The following XPO5 variants were observed in gnomAD, a reference collection of about 807,000 sequenced individuals.
XPO5 encodes the protein exportin-5.
XPO5 carries 46 observed loss-of-function variants against 160.6 expected under a neutral mutation model. The ratio of observed to expected loss-of-function variants is 0.29; its 90% CI spans 0.23 to 0.37. The LOEUF is 0.37. XPO5 is among the 10% of genes least tolerant of loss of function. The pLI, the probability that XPO5 is intolerant of heterozygous loss-of-function variation, is 1.00. For missense variants in XPO5, 1,090 were observed against 1,463.9 expected (o/e 0.74, Z 4.17); for synonymous variants, 537 against 519.3 (o/e 1.03, Z -0.46).
chr6:43,572,475 GA>G, intron 3 of XPO5, 30 bp downstream of exon 3: 1 of 1,611,162 alleles, frequency 6.2e-7, no homozygotes, highest in Non-Finnish European at 8.5e-7. Context: ...AACTACCTTG[GA>G]AACATGTCTC....
chr6:43,537,138 A>G (rs768922038), intron 20 of XPO5, among the ~76,000 whole-genome samples: 50 of 135,190 alleles, frequency 3.7e-4, no homozygotes, highest in Middle Eastern at 3.7e-3. Context: ...GAATAATTAA[A>G]ACTTTTTTTT....
chr6:43,563,467 A>G lies in XPO5; in HGVS notation c.912-1121T>C, dbSNP rs1310953546. On this transcript the variant is annotated intron_variant, in intron 8 of 31. Coordinates refer to ENST00000265351, the MANE Select transcript of XPO5 (RefSeq NM_020750.3). ...AGTATTTTCTAGAGCAACTGGAAGA[A>G]AGTACATGGAAGCCCTTACAGTCAT... Among the ~76,000 whole-genome samples the G allele has an allele frequency of 3.9e-5, 6 of 152,220 alleles. 1 individual carries two copies. The highest frequency in any genetic ancestry group is 1.4e-4 in the African/African-American group (6 of 41,458).
intron 20 of XPO5, among the ~76,000 whole-genome samples, chr6:43,538,002 T>C (rs1405703505): frequency 6.7e-6 from 1 of 149,392 alleles, no homozygotes; most frequent in Non-Finnish European, 1.5e-5. Context: ...GGAGAATTGC[T>C]TGATCCCGGG....
intron 20 of XPO5, among the ~76,000 whole-genome samples, chr6:43,546,086 G>A (rs1794951658): frequency 6.6e-6 from 1 of 152,116 alleles, no homozygotes; most frequent in Non-Finnish European, 1.5e-5. Context: ...AAACTCAGAT[G>A]AAAAATTTAT....
At chr6:43,524,069 G>C (rs972330956) in intron 31 of XPO5, 64 bp from the exon 32 acceptor site, 2 of 1,573,436 alleles carry the variant, frequency 1.3e-6, no homozygotes, top group Non-Finnish European at 1.7e-6. Context: ...AGATTCTCTT[G>C]GCCCGGCGCA....
intron 20 of XPO5, among the ~76,000 whole-genome samples, chr6:43,546,039 G>C (rs527586349): frequency 2.6e-5 from 4 of 152,162 alleles, no homozygotes; most frequent in Middle Eastern, 3.4e-3. Context: ...TAATGCTACT[G>C]GTCTTAGGAC....
At position 43,575,841 on chromosome 6, in the gene XPO5, C is replaced by G. The variant is rs1469352319; in HGVS notation, c.24G>C (p.Ala8=). MAMDQVN[A]LCEQLVKAVT... Reference sequence around the variant, plus strand: ...CCGCTTTCACCAGCTGCTCGCACAGCGCGTTTACTTGATCCATCGCCATGC... The same window carrying G: ...CCGCTTTCACCAGCTGCTCGCACAGGGCGTTTACTTGATCCATCGCCATGC... Residue 8 remains alanine, a synonymous_variant, in exon 1 of 32, where the codon GCG becomes GCC. Transcript: ENST00000265351. 6.2e-7 allele frequency: 1 copy of G among 1,613,672 alleles called. No homozygotes were observed. Among genetic ancestry groups the G allele is most frequent in the Middle Eastern group, 1.6e-4 (1 of 6,084 alleles).
intron 20 of XPO5, among the ~76,000 whole-genome samples, chr6:43,537,075 T>G (rs1286992803): frequency 6.6e-6 from 1 of 152,038 alleles, no homozygotes; most frequent in Non-Finnish European, 1.5e-5. Context: ...CAAGTGGCCC[T>G]TCCACCTCAG....
chr6:43,531,354 A>AT (rs1793964060), intron 22 of XPO5, 125 bp downstream of exon 22: 2 of 844,504 alleles, frequency 2.4e-6, no homozygotes, highest in Non-Finnish European at 3.8e-6. Context: ...CACTAGAATG[A>AT]TAAGTTTCCT....
chr6:43,575,624 G>A, intron 1 of XPO5, 136 bp downstream of exon 1: 1 of 710,102 alleles, frequency 1.4e-6, no homozygotes, highest in Non-Finnish European at 2.3e-6. Context: ...GCCGCGAGGG[G>A]AAGGTCCCGG....
intron 21 of XPO5, 27 bp downstream of exon 21, chr6:43,533,880 T>C: frequency 2.6e-6 from 4 of 1,536,330 alleles, no homozygotes; most frequent in Middle Eastern, 1.7e-4. Context: ...AGATAAACCT[T>C]AGGAGAAAAA....
chr6:43,562,694 T>C (rs887158664), intron 8 of XPO5, among the ~76,000 whole-genome samples: 2 of 152,172 alleles, frequency 1.3e-5, no homozygotes, highest in Non-Finnish European at 2.9e-5. Flanking sequence ...GATGGTATTA[T>C]GGTGTCCAAT....
chr6:43,533,213 T>TACACACACACACACACACAC (rs70990197), intron 21 of XPO5: 4 of 135,126 alleles, frequency 3.0e-5, no homozygotes, highest in Admixed American at 7.7e-5. Flanking sequence ...GATACCTATC[T>TACACACACACACACACACAC]ACACACACAC....
intron 15 of XPO5, chr6:43,550,848 T>C (rs781310226): frequency 6.6e-6 from 1 of 152,444 alleles, no homozygotes; most frequent in Non-Finnish European, 1.5e-5. Context: ...CTGGAAAGTG[T>C]TCCTTCCTCT....
intron 20 of XPO5, chr6:43,539,671 AG>A: frequency 2.9e-6 from 3 of 1,025,516 alleles, no homozygotes; most frequent in Non-Finnish European, 4.3e-6. Flanking sequence ...CAGGGCCTCC[AG>A]GCCCCCCCAC....
chr6:43,558,748 C>T (rs1762248406), intron 11 of XPO5, among the ~76,000 whole-genome samples, 157 bp from the exon 12 acceptor site: 2 of 152,170 alleles, frequency 1.3e-5, no homozygotes, highest in Non-Finnish European at 2.9e-5. Flanking sequence ...ATCACAGGTC[C>T]ACAGTTTGCT....
intron 20 of XPO5, among the ~76,000 whole-genome samples, chr6:43,535,241 C>G (rs1284282817): frequency 6.6e-6 from 1 of 151,578 alleles, no homozygotes; most frequent in East Asian, 1.9e-4. Context: ...GCCTGGGCAA[C>G]AGAGCGAGAC....
chr6:43,524,580 T>G lies in XPO5; in HGVS notation c.3368A>C (p.Lys1123Thr), dbSNP rs781149485. 6.2e-7 allele frequency: 1 copy of G among 1,613,984 alleles called. No individual in the cohort carries two copies. Among genetic ancestry groups the G allele is most frequent in the South Asian group, 1.1e-5 (1 of 91,080 alleles). Residue 1123 changes from lysine (K) to threonine (T), a missense_variant, in exon 31 of 32, where the codon AAG becomes ACG. Coordinates refer to ENST00000265351, the MANE Select transcript of XPO5 (RefSeq NM_020750.3). ...AVMEQIPEIQ[K>T]DSLDQFDCKL... ...GCAGTCAAACTGGTCCAGTGAGTCC[T>G]TCTGTATTTCAGGGATTTGCTCCAT...
chr6:43,543,284 C>T (rs1794792273), intron 20 of XPO5, among the ~76,000 whole-genome samples: 2 of 152,062 alleles, frequency 1.3e-5, no homozygotes, highest in African/African-American at 4.8e-5. Context: ...GAGAACCTAT[C>T]TCTACCAAAA....
Sources: gnomAD v4.1 joint callset for allele counts (sites outside exome capture counted in the v4.1 genomes callset) on GRCh38, gnomAD v4.1.1 for gene constraint, MANE v1.5 for transcripts, NCBI Gene and HGNC (gene_info 2026-07-23, HGNC 2026-07-21) for gene names.